Variants in PDLIM7 observed in about 807,000 individuals in gnomAD.
PDLIM7 encodes the protein PDZ and LIM domain protein 7.
A neutral mutation model predicts 53.9 loss-of-function variants in PDLIM7; 37 were observed. The observed-to-expected ratio is 0.69, with a 90% CI of 0.53 to 0.90. The LOEUF is 0.90. Among genes scored for constraint, PDLIM7 ranks in the 40% least tolerant of loss-of-function variants. The probability of loss-of-function intolerance (pLI) is 0.00; values close to 1 mark genes in which losing one functional copy is unlikely to be tolerated. For missense variants in PDLIM7, 617 were observed against 638.5 expected, an observed-to-expected ratio of 0.97 and a Z score of 0.36; for synonymous variants, 300 against 261.3, an observed-to-expected ratio of 1.15 and a Z score of -1.43.
intron 2 of PDLIM7, 38 bp downstream of exon 2, chr5:177,496,379 G>A (rs1759071251): frequency 6.8e-7 from 1 of 1,472,272 alleles, no homozygotes; most frequent in East Asian, 2.6e-5. Context: ...AGCACCGAAA[G>A]ACCGCTGGGG....
At chr5:177,489,123 G>A (rs759995178) in intron 9 of PDLIM7, among the ~76,000 whole-genome samples, 6 of 152,234 alleles carry the variant, frequency 3.9e-5, no homozygotes, top group African/African-American at 1.4e-4. Flanking sequence ...TGCCCAGAGA[G>A]CAGCAAAGGT....
chr5:177,495,252 CT>C (rs1025251653), intron 2 of PDLIM7: 2 of 152,602 alleles, frequency 1.3e-5, no homozygotes, highest in African/African-American at 4.8e-5. Flanking sequence ...CAAAGGACCC[CT>C]GAGAAGAGCA....
chr5:177,492,495 C>T (rs767553881), intron 3 of PDLIM7, 31 bp downstream of exon 3: 6 of 1,613,662 alleles, frequency 3.7e-6, no homozygotes, highest in African/African-American at 1.3e-5. Flanking sequence ...ACTGCCAGCG[C>T]GGGCGCACCC....
intron 5 of PDLIM7, 23 bp downstream of exon 5, chr5:177,491,784 C>G (rs1758802004): frequency 3.5e-6 from 4 of 1,136,414 alleles, no homozygotes; most frequent in African/African-American, 1.6e-5. Context: ...GGCGTGGGCG[C>G]GGGCGGGCAG....
In PDLIM7 at chr5:177,492,684, A is replaced by C; in HGVS notation, c.97-7T>G. 1 of 1,599,676 alleles carries C rather than the reference A, an allele frequency of 6.3e-7. No individual in the cohort carries two copies. The highest frequency in any genetic ancestry group is 8.5e-7 in the Non-Finnish European group (1 of 1,177,154). ...CTTTGCCCCCAGGAGTGAGCTGTGG[A>C]GAGAGAAGCAAAGTGACCGAGGCCC... On this transcript the variant is annotated splice_region_variant and splice_polypyrimidine_tract_variant and intron_variant, in intron 2 of 12. Transcript: ENST00000355841.
At chr5:177,489,892 C>T in intron 7 of PDLIM7, 60 bp from the exon 8 acceptor site, 7 of 1,545,904 alleles carry the variant, frequency 4.5e-6, no homozygotes, top group Non-Finnish European at 6.1e-6. Context: ...GCCCCACCCC[C>T]CAACCTGGGT....
In PDLIM7 at chr5:177,484,135, G is replaced by A; in HGVS notation, c.1106C>T (p.Ala369Val). Residue 369 changes from alanine to valine, a missense_variant, in exon 11 of 13, where the codon GCC (alanine) becomes GTC (valine). Ala to Val is a moderately conservative substitution (Grantham distance 64). Coordinates refer to ENST00000355841, the MANE Select transcript of PDLIM7 (RefSeq NM_005451.5). ...CCTGTTCCGGATGGGCGTCTTGCAG[G>A]CAGCACAGGTAAAGCAGTGCACGTG... ...TWHVHCFTCA[A>V]CKTPIRNRAF... is the part of the protein sequence containing the mutation. 1 of 1,613,940 alleles carries A rather than the reference G, an allele frequency of 6.2e-7. No individual in the cohort carries two copies. The highest frequency in any genetic ancestry group is 8.5e-7 in the Non-Finnish European group (1 of 1,179,976).
intron 2 of PDLIM7, chr5:177,492,961 T>G: frequency 2.3e-6 from 1 of 441,974 alleles, no homozygotes; most frequent in East Asian, 3.8e-5. Flanking sequence ...TGCTTATCTA[T>G]TCACCGCCAC....
At chr5:177,492,371 G>T in intron 4 of PDLIM7, 34 bp downstream of exon 4, 2 of 1,610,138 alleles carry the variant, frequency 1.2e-6, no homozygotes, top group Non-Finnish European at 1.7e-6. Context: ...AGCCCACACC[G>T]CCCACCGCCC....
At chr5:177,486,109 G>C (rs1402805466) in intron 10 of PDLIM7, among the ~76,000 whole-genome samples, 2 of 151,668 alleles carry the variant, frequency 1.3e-5, no homozygotes, top group Non-Finnish European at 2.9e-5. Flanking sequence ...GTAGAAACAG[G>C]GGTCTTGCTA....
rs1758855795 is a variant in PDLIM7 at position 177,492,558 on chromosome 5, G to A, written c.216C>T (p.Ala72=). 1 of 1,613,760 alleles carries A rather than the reference G, an allele frequency of 6.2e-7. No homozygotes were observed. Among genetic ancestry groups the A allele is most frequent in the South Asian group, 1.1e-5 (1 of 91,086 alleles). Residue 72 remains alanine (A), a synonymous_variant, in exon 3 of 13, where the codon GCC becomes GCT. Coordinates refer to ENST00000355841, the MANE Select transcript of PDLIM7 (RefSeq NM_005451.5). ...GGCCCAGGCTGAGGCGCTCCCCGCA[G>A]GCCCGGATCTTGTTCTGAGCTTCGA... is the stretch of plus-strand genomic sequence containing the variant. The part of the protein sequence containing the change: ...THIEAQNKIR[A]CGERLSLGLS...
Position 177,483,932 on chromosome 5 carries a change from C to T in PDLIM7, c.1222G>A (p.Asp408Asn), listed in dbSNP as rs771286192. 14 of 1,613,798 alleles carry T rather than the reference C, an allele frequency of 8.7e-6. No individual in the cohort carries two copies. The Admixed American group carries it at 1.5e-4, about 17-fold the overall frequency. The change falls in exon 12 of 13, where the codon GAC (aspartate) becomes AAC (asparagine). Residue 408 changes from aspartate (D) to asparagine (N), a missense_variant. Transcript: ENST00000355841. ...GCCTCCAGGAAGCGGTCCCCAGCGT[C>T]GATCTTGAAGTCACAGCCATGGCAT... ...TKCHGCDFKI[D>N]AGDRFLEALG...
chr5:177,487,236 C>A (rs1308488313), intron 10 of PDLIM7, among the ~76,000 whole-genome samples: 1 of 152,144 alleles, frequency 6.6e-6, no homozygotes, highest in Admixed American at 6.5e-5. Context: ...CGGCCACTCT[C>A]CCATTCTTGC....
intron 2 of PDLIM7, among the ~76,000 whole-genome samples, chr5:177,493,489 C>T (rs900972651): frequency 2.0e-5 from 3 of 152,178 alleles, no homozygotes; most frequent in African/African-American, 7.2e-5. Context: ...TTTGAGGAAG[C>T]GGTGGGCCTC....
At chr5:177,485,349 TCGGGGCCAGC>T (rs541373599) in intron 10 of PDLIM7, among the ~76,000 whole-genome samples, 9 of 152,118 alleles carry the variant, frequency 5.9e-5, no homozygotes, top group African/African-American at 1.7e-4. Context: ...CCTAGGACCC[TCGGGGCCAGC>T]CGGGGCCAGC....
intron 1 of PDLIM7, chr5:177,496,886 T>C: frequency 6.3e-6 from 1 of 159,486 alleles, no homozygotes; most frequent in Non-Finnish European, 1.4e-5. Flanking sequence ...GGCTCTCCTC[T>C]CCCCCGCCCC....
At position 177,494,602 on chromosome 5, in the gene PDLIM7, G is replaced by A. The variant is rs574074026; in HGVS notation, c.96+1815C>T. Among the ~76,000 whole-genome samples the A allele has an allele frequency of 3.3e-5, 5 of 152,204 alleles. No individual in the cohort carries two copies. The East Asian group carries it at 9.6e-4, about 29-fold the overall frequency. On this transcript the variant is annotated intron_variant, in intron 2 of 12. Coordinates refer to ENST00000355841, the MANE Select transcript of PDLIM7 (RefSeq NM_005451.5). ...CGGCTTCCCTTCCCAGAGTGAGGAG[G>A]GCAGGAAGCACAGAGGATGAGGGGT...
chr5:177,491,565 A>C, intron 5 of PDLIM7: 1 of 738,542 alleles, frequency 1.4e-6, no homozygotes. Flanking sequence ...CCACAACCCA[A>C]CCCCCAGCCG....
In PDLIM7 at chr5:177,483,738, C is replaced by G. The variant is rs1271002916; in HGVS notation, c.1288-8G>C. The G allele has an allele frequency of 2.5e-6, 4 of 1,609,198 alleles. No individual in the cohort carries two copies. The highest frequency in any genetic ancestry group is 3.4e-6 in the Non-Finnish European group (4 of 1,175,892). ...CAGGTTGATCTGACATATCTAAGGA[C>G]AGCAAAGGCCCAGTCACATGGGGTT... On this transcript the variant is annotated splice_region_variant and splice_polypyrimidine_tract_variant and intron_variant, in intron 12 of 12. Transcript: ENST00000355841.
Sources: allele counts gnomAD v4.1 joint callset (sites outside exome capture counted in the v4.1 genomes callset), GRCh38; gene constraint gnomAD v4.1.1; transcripts MANE v1.5; gene names NCBI Gene and HGNC (gene_info 2026-07-23, HGNC 2026-07-21).